LMCD1: variants seen among roughly 807,000 people sequenced by gnomAD.
LMCD1 encodes LIM and cysteine-rich domains protein 1.
In LMCD1, 32 loss-of-function variants were observed where a neutral mutation model predicts 42.7. The observed-to-expected ratio is 0.75, with a 90% CI of 0.57 to 1.01. The LOEUF (loss-of-function observed/expected upper bound fraction) is 1.01, where lower values mean the gene tolerates loss of function less well. Ranked by LOEUF, LMCD1 falls within the 50% of genes least tolerant of loss-of-function variation. LMCD1 has a pLI of 0.00. For missense variants in LMCD1, 458 were observed against 483.1 expected (o/e 0.95, Z 0.49); for synonymous variants, 178 against 184.9 (o/e 0.96, Z 0.30).
Position 8,574,646 on chromosome 3 carries a change from TA to T in LMCD1, c.*7051del, listed in dbSNP as rs1418113456. The T allele has an allele frequency of 6.6e-6, 1 of 152,336 alleles. No homozygotes were observed. The highest frequency in any genetic ancestry group is 1.9e-4 in the East Asian group (1 of 5,176). 9.4% of individuals were successfully genotyped at this position (152,336 alleles called of 1,614,324 possible). A position where few individuals can be genotyped will look rare whatever the true frequency, so the allele number is the denominator to read the frequency against. ...GATAAGGCAAATGTTTTTAAAGGCCTAAATAAAATGATATTCCCTGAAGGAA... is the reference window on the plus strand; with the variant it reads ...GATAAGGCAAATGTTTTTAAAGGCCTAATAAAATGATATTCCCTGAAGGAA... On this transcript the variant is annotated 3_prime_UTR_variant, in exon 6 of 6. Coordinates refer to ENST00000157600, the MANE Select transcript of LMCD1 (RefSeq NM_014583.4).
rs1407431771 is a variant in LMCD1 at position 8,540,261 on chromosome 3, A to G, written c.387+2821A>G. 9.8e-5 allele frequency among the ~76,000 whole-genome samples: 15 copies of G among 152,294 alleles called. 1 individual carries two copies. The highest frequency in any genetic ancestry group is 6.2e-4 in the South Asian group (3 of 4,824). On this transcript the variant is annotated intron_variant, in intron 3 of 5. Coordinates refer to ENST00000157600, the MANE Select transcript of LMCD1 (RefSeq NM_014583.4). ...ATTTTGCTATCTCTCATCCTTTGCA[A>G]CCAGAATGAAAGTCTGAGCAATTCT...
chr3:8,529,881 G>T (rs1019830092), intron 1 of LMCD1, among the ~76,000 whole-genome samples: 9 of 152,196 alleles, frequency 5.9e-5, no homozygotes, highest in Non-Finnish European at 8.8e-5. Flanking sequence ...CATAATAAGT[G>T]TGTGCCAAGC....
rs1695245699 is a variant in LMCD1, at chr3:8,573,156, A to G, written c.*5558A>G. On this transcript the variant is annotated 3_prime_UTR_variant, in exon 6 of 6. Coordinates refer to ENST00000157600, the MANE Select transcript of LMCD1 (RefSeq NM_014583.4). The stretch of plus-strand genomic sequence containing the variant: ...TTCATTAGTGGGGATTTTGTCAATT[A>G]TAACCAAAAACAATGTGACGGATAC... The G allele has an allele frequency of 6.6e-6, 1 of 152,232 alleles. No homozygotes were observed. Among genetic ancestry groups the G allele is most frequent in the African/African-American group, 2.4e-5 (1 of 41,458 alleles). The allele number at this position is 152,232 out of a possible 1,614,324, so 9.4% of individuals were successfully genotyped here. A position where few individuals can be genotyped will look rare whatever the true frequency, so the allele number is the denominator to read the frequency against.
chr3:8,518,837 C>T (rs949940681), intron 1 of LMCD1, among the ~76,000 whole-genome samples: 3 of 152,190 alleles, frequency 2.0e-5, no homozygotes, highest in Middle Eastern at 3.4e-3. Context: ...GAGGGGCTGG[C>T]GTAACCAGAG....
intron 1 of LMCD1, among the ~76,000 whole-genome samples, chr3:8,503,966 G>T (rs920916793): frequency 3.3e-5 from 5 of 152,226 alleles, no homozygotes; most frequent in Admixed American, 6.5e-5. Context: ...ATAGGGGAGT[G>T]TGATTATCCT....
intron 1 of LMCD1, among the ~76,000 whole-genome samples, chr3:8,505,737 G>T (rs1693866266): frequency 6.6e-6 from 1 of 152,216 alleles, no homozygotes; most frequent in Non-Finnish European, 1.5e-5. Context: ...CTCTCTCCAT[G>T]CTTCTCTACA....
chr3:8,511,332 C>T (rs1466889926), intron 1 of LMCD1, among the ~76,000 whole-genome samples: 1 of 152,132 alleles, frequency 6.6e-6, no homozygotes, highest in Non-Finnish European at 1.5e-5. Context: ...TTTGTCTAAA[C>T]CTGTATTACA....
intron 2 of LMCD1, 150 bp from the exon 3 acceptor site, chr3:8,537,035 C>T (rs1206224751): frequency 1.3e-6 from 1 of 779,482 alleles, no homozygotes; most frequent in Non-Finnish European, 2.0e-6. Flanking sequence ...ATTCCAAAGG[C>T]CTTTTTGTCT....
chr3:8,564,592 A>T (rs146056756), intron 4 of LMCD1, among the ~76,000 whole-genome samples: 1 of 152,358 alleles, frequency 6.6e-6, no homozygotes, highest in African/African-American at 2.4e-5. Flanking sequence ...TTTATTAAAT[A>T]TTATTTAAAA....
intron 5 of LMCD1, 32 bp from the exon 6 acceptor site, chr3:8,567,408 G>T (rs907187457): frequency 2.5e-6 from 4 of 1,608,502 alleles, no homozygotes; most frequent in Non-Finnish European, 8.5e-7. Flanking sequence ...GACAGAAACT[G>T]AGTCATGCAT....
chr3:8,552,002 C>T (rs1694850343), intron 4 of LMCD1, among the ~76,000 whole-genome samples: 2 of 152,154 alleles, frequency 1.3e-5, no homozygotes, highest in South Asian at 4.1e-4. Context: ...CACCCCAAAA[C>T]CGAACAGAGA....
chr3:8,516,878 G>A (rs988996708), intron 1 of LMCD1, among the ~76,000 whole-genome samples: 6 of 152,284 alleles, frequency 3.9e-5, no homozygotes, highest in African/African-American at 1.4e-4. Flanking sequence ...TTTCAACCAT[G>A]TCGTACCTTT....
At chr3:8,559,067 A>C (rs1694978836) in intron 4 of LMCD1, among the ~76,000 whole-genome samples, 1 of 152,068 alleles carries the variant, frequency 6.6e-6, no homozygotes, top group South Asian at 2.1e-4. Flanking sequence ...CAGGCCCTCC[A>C]AGCAGGGGAT....
intron 1 of LMCD1, among the ~76,000 whole-genome samples, chr3:8,522,683 A>AGAG (rs1222586323): frequency 6.6e-6 from 1 of 152,194 alleles, no homozygotes; most frequent in Non-Finnish European, 1.5e-5. Context: ...ATGTCCAGAG[A>AGAG]GAGGAACATT....
In LMCD1 at chr3:8,548,635, ACCG is replaced by A. The variant is rs1301406004; in HGVS notation, c.464_466del (p.Arg155del). ...GTGACAGGCACAGAGGGTGCCTTTT[ACCG>A]CCGCCGCCAGCTCATGCACCAGCTC... On this transcript the variant is annotated inframe_deletion, in exon 4 of 6. Coordinates refer to ENST00000157600, the MANE Select transcript of LMCD1 (RefSeq NM_014583.4). The A allele has an allele frequency of 6.2e-7, 1 of 1,614,106 alleles. No homozygotes were observed. The highest frequency in any genetic ancestry group is 8.5e-7 in the Non-Finnish European group (1 of 1,179,996).
Position 8,548,689 on chromosome 3 carries a change from G to A in LMCD1, c.509G>A (p.Arg170His), listed in dbSNP as rs768404180. Residue 170 changes from arginine to histidine, a missense_variant, in exon 4 of 6, where the codon CGC (arginine) becomes CAC (histidine). Coordinates refer to ENST00000157600, the MANE Select transcript of LMCD1 (RefSeq NM_014583.4). ...QLPIYDQDPS[R>H]CRGLLENELK... The stretch of plus-strand genomic sequence containing the variant: ...CCCATCTATGACCAGGATCCCTCGC[G>A]CTGCCGTGGACTTTTGGAGAATGAG... The A allele has an allele frequency of 5.3e-5, 86 of 1,614,066 alleles. No homozygotes were observed. Among genetic ancestry groups the A allele is most frequent in the Non-Finnish European group, 6.5e-5 (77 of 1,180,050 alleles).
rs143571449 is a variant in LMCD1 at position 8,514,681 on chromosome 3, C to CA, written c.42+12707dup. On this transcript the variant is annotated intron_variant, in intron 1 of 5. Coordinates refer to ENST00000157600, the MANE Select transcript of LMCD1 (RefSeq NM_014583.4). Reference sequence around the variant, plus strand: ...TATACAACAGAATATTACTTAGTAACAAAAAATCTAATATATGTAACAACA... The same window carrying CA: ...TATACAACAGAATATTACTTAGTAACAAAAAAATCTAATATATGTAACAACA... 5.9e-3 allele frequency among the ~76,000 whole-genome samples: 903 copies of CA among 152,098 alleles called. 11 individuals carry two copies. Among genetic ancestry groups the CA allele is most frequent in the South Asian group, 0.01 (50 of 4,814 alleles).
chr3:8,548,706 G>A lies in LMCD1; in HGVS notation c.526G>A (p.Glu176Lys). The change falls in exon 4 of 6, where the codon GAG becomes AAG. Residue 176 changes from glutamate to lysine, a missense_variant. By Grantham distance (56) the Glu-to-Lys change is moderately conservative (BLOSUM62 1). Transcript: ENST00000157600. ...TCCCTCGCGCTGCCGTGGACTTTTG[G>A]AGAATGAGTTGAAACTGATGGAAGA... The part of the protein sequence containing the change: ...QDPSRCRGLL[E>K]NELKLMEEFV... 1 of 1,614,164 alleles carries A rather than the reference G, an allele frequency of 6.2e-7. No homozygotes were observed. Among genetic ancestry groups the A allele is most frequent in the South Asian group, 1.1e-5 (1 of 91,074 alleles).
In LMCD1 at chr3:8,548,647, A is replaced by G; in HGVS notation, c.467A>G (p.Gln156Arg). 1 of 1,614,210 alleles carries G rather than the reference A, an allele frequency of 6.2e-7. No individual in the cohort carries two copies. Among genetic ancestry groups the G allele is most frequent in the Non-Finnish European group, 8.5e-7 (1 of 1,180,040 alleles). Residue 156 changes from glutamine (Q) to arginine (R), a missense_variant, in exon 4 of 6, where the codon CAG becomes CGG. Coordinates refer to ENST00000157600, the MANE Select transcript of LMCD1 (RefSeq NM_014583.4). The part of the protein sequence containing the change: ...GTEGAFYRRR[Q>R]LMHQLPIYDQ... ...GAGGGTGCCTTTTACCGCCGCCGCC[A>G]GCTCATGCACCAGCTCCCCATCTAT... is the stretch of plus-strand genomic sequence containing the variant.
Sources: allele counts gnomAD v4.1 joint callset (sites outside exome capture counted in the v4.1 genomes callset), GRCh38; gene constraint gnomAD v4.1.1; transcripts MANE v1.5; gene names NCBI Gene and HGNC (gene_info 2026-07-23, HGNC 2026-07-21).